The following MIS18A variants were observed in gnomAD, a reference collection of about 807,000 sequenced individuals.
MIS18A encodes the protein protein Mis18-alpha.
A neutral mutation model predicts 25.0 loss-of-function variants in MIS18A; 14 were observed. That is an observed-to-expected ratio of 0.56 (90% CI 0.37 to 0.88). The LOEUF (loss-of-function observed/expected upper bound fraction) is 0.88, where lower values mean the gene tolerates loss of function less well. Among genes scored for constraint, MIS18A ranks in the 40% least tolerant of loss-of-function variants. MIS18A has a pLI of 0.00. For missense variants in MIS18A, 292 were observed against 290.8 expected, an observed-to-expected ratio of 1.00 and a Z score of -0.03; for synonymous variants, 134 against 118.6, an observed-to-expected ratio of 1.13 and a Z score of -0.84.
chr21:32,155,917 G>A, the MIS18A span, among the ~76,000 whole-genome samples: 1 of 150,766 alleles, frequency 6.6e-6, no homozygotes, highest in South Asian at 2.1e-4. Context: ...ACTAGTTTCA[G>A]TCTTGGTAAA....
Position 32,275,954 on chromosome 21 carries a change from C to A in MIS18A, c.335-1058G>T, listed in dbSNP as rs116680226. 1.4e-3 allele frequency among the ~76,000 whole-genome samples: 220 copies of A among 152,154 alleles called. 1 individual carries two copies. Among genetic ancestry groups the A allele is most frequent in the African/African-American group, 5.0e-3 (209 of 41,536 alleles). On this transcript the variant is annotated intron_variant, in intron 1 of 4. Coordinates refer to ENST00000290130, the MANE Select transcript of MIS18A (RefSeq NM_018944.3). ...TTCAATGCTTTCTCCAAAGAAAATG[C>A]GGGGTCACATTACTCCCCTGCCTAA...
chr21:32,257,162 A>G, the MIS18A span, among the ~76,000 whole-genome samples: 3 of 152,230 alleles, frequency 2.0e-5, no homozygotes, highest in Non-Finnish European at 2.9e-5. Flanking sequence ...TAAGGGGGAC[A>G]TAGCGATTGA....
At chr21:32,248,923 G>A in the MIS18A span, among the ~76,000 whole-genome samples, 11 of 152,298 alleles carry the variant, frequency 7.2e-5, no homozygotes, top group South Asian at 2.3e-3. Context: ...GGCTTTGCAG[G>A]AAGCAAGTAG....
chr21:32,255,804 T>C, the MIS18A span, among the ~76,000 whole-genome samples: 1 of 150,416 alleles, frequency 6.6e-6, no homozygotes, highest in East Asian at 2.0e-4. Flanking sequence ...GGCAGGAGAA[T>C]GGAGTAAACC....
At chr21:32,271,306 T>C (rs2031710378) in intron 2 of MIS18A, among the ~76,000 whole-genome samples, 1 of 152,186 alleles carries the variant, frequency 6.6e-6, no homozygotes, top group Non-Finnish European at 1.5e-5. Flanking sequence ...TAGTAAAACA[T>C]ACACCACAAA....
chr21:32,223,328 A>G, the MIS18A span, among the ~76,000 whole-genome samples: 17 of 152,286 alleles, frequency 1.1e-4, 1 homozygote, highest in South Asian at 1.4e-3. Context: ...AAAAAAATCA[A>G]TGAATCCAGG....
the MIS18A span, among the ~76,000 whole-genome samples, chr21:32,170,899 A>C: frequency 6.6e-6 from 1 of 152,096 alleles, no homozygotes; most frequent in African/African-American, 2.4e-5. Flanking sequence ...TGATCATCTC[A>C]ATAGATACAG....
the MIS18A span, among the ~76,000 whole-genome samples, chr21:32,227,884 T>C: frequency 6.6e-6 from 1 of 152,176 alleles, no homozygotes; most frequent in African/African-American, 2.4e-5. Flanking sequence ...AAATGCAATA[T>C]GGATTCAACA....
chr21:32,182,178 G>C, the MIS18A span, among the ~76,000 whole-genome samples: 1 of 152,166 alleles, frequency 6.6e-6, no homozygotes, highest in Non-Finnish European at 1.5e-5. Flanking sequence ...GATTGATAGT[G>C]GTTGTCTGCT....
the MIS18A span, among the ~76,000 whole-genome samples, chr21:32,249,530 C>T: frequency 1.3e-5 from 2 of 152,160 alleles, no homozygotes; most frequent in Admixed American, 6.5e-5. Flanking sequence ...AATTATATTC[C>T]AGAATTAGAG....
At chr21:32,157,589 T>C in the MIS18A span, among the ~76,000 whole-genome samples, 3 of 152,116 alleles carry the variant, frequency 2.0e-5, no homozygotes, top group Non-Finnish European at 4.4e-5. Context: ...AGTGGAACAA[T>C]TCCTTTACAT....
chr21:32,258,661 T>A, the MIS18A span, among the ~76,000 whole-genome samples: 6 of 151,976 alleles, frequency 3.9e-5, no homozygotes, highest in Non-Finnish European at 7.4e-5. Context: ...AAATTAGTAA[T>A]CACACCAAAA....
In MIS18A at chr21:32,268,348, C is replaced by T. The variant is rs569161678; in HGVS notation, c.*689G>A. 2.6e-5 allele frequency: 4 copies of T among 152,308 alleles called. No individual in the cohort carries two copies. The highest frequency in any genetic ancestry group is 9.6e-5 in the African/African-American group (4 of 41,580). The allele number at this position is 152,308 out of a possible 1,614,324, so 9.4% of individuals were successfully genotyped here. On this transcript the variant is annotated 3_prime_UTR_variant, in exon 5 of 5. Coordinates refer to ENST00000290130, the MANE Select transcript of MIS18A (RefSeq NM_018944.3). ...CCCACCCTCAGAGATGGTTACTCCT[C>T]TTTGGTAAGTATTCCTCCAGGTTTT...
the MIS18A span, among the ~76,000 whole-genome samples, chr21:32,191,483 T>C: frequency 0.15 from 23,054 of 152,154 alleles, 1,859 homozygotes; most frequent in East Asian, 0.24. Context: ...TCCTAGCTAC[T>C]AAAGAGGCTG....
chr21:32,245,580 G>T, the MIS18A span, among the ~76,000 whole-genome samples: 1 of 152,186 alleles, frequency 6.6e-6, no homozygotes, highest in Non-Finnish European at 1.5e-5. Flanking sequence ...GTTCTTGGTG[G>T]CAGGGCCAAA....
downstream of MIS18A, among the ~76,000 whole-genome samples, chr21:32,264,349 G>A (rs1220638536): frequency 6.6e-6 from 1 of 151,898 alleles, no homozygotes; most frequent in African/African-American, 2.4e-5. Flanking sequence ...AAAAAATAAA[G>A]CCAATAAATG....
chr21:32,178,292 A>C, the MIS18A span, among the ~76,000 whole-genome samples: 7 of 152,174 alleles, frequency 4.6e-5, no homozygotes, highest in Non-Finnish European at 7.3e-5. Context: ...CAGAGAGACC[A>C]AAAAAAGCCA....
the MIS18A span, among the ~76,000 whole-genome samples, chr21:32,216,415 CT>C: frequency 6.6e-6 from 1 of 152,210 alleles, no homozygotes; most frequent in Admixed American, 6.5e-5. Context: ...ACCAACAATG[CT>C]GTCTTTATGT....
At chr21:32,188,081 C>T in the MIS18A span, among the ~76,000 whole-genome samples, 2 of 152,108 alleles carry the variant, frequency 1.3e-5, no homozygotes, top group African/African-American at 4.8e-5. Context: ...ATCTGCAAGC[C>T]AAGAAAAGGG....
Sources: gnomAD v4.1 joint callset for allele counts (sites outside exome capture counted in the v4.1 genomes callset) on GRCh38, gnomAD v4.1.1 for gene constraint, MANE v1.5 for transcripts, NCBI Gene and HGNC (gene_info 2026-07-23, HGNC 2026-07-21) for gene names.